TRIM44: variants seen among roughly 807,000 people sequenced by gnomAD.
The protein encoded by TRIM44 is tripartite motif containing 44.
Under a neutral mutation model 37.4 loss-of-function variants are expected in TRIM44, and 13 were observed. The observed-to-expected ratio is 0.35, with a 90% CI of 0.23 to 0.55. The LOEUF (loss-of-function observed/expected upper bound fraction) is 0.55, where lower values mean the gene tolerates loss of function less well. Among genes scored for constraint, TRIM44 ranks in the 20% least tolerant of loss-of-function variants. The pLI is 0.89. For synonymous variants in TRIM44, 175 were observed against 157.2 expected, an observed-to-expected ratio of 1.11 and a Z score of -0.85; for missense variants, 426 against 437.2, an observed-to-expected ratio of 0.97 and a Z score of 0.23.
Position 35,663,075 on chromosome 11 carries a change from C to A in TRIM44, c.-37C>A. On this transcript the variant is annotated 5_prime_UTR_variant, in exon 1 of 5. Transcript: ENST00000299413. ...CGCGCGGAAGGAAGGCGGCGAGCCC[C>A]GGGGCCCCGAGGCCTTGGCCGCGTC... is the stretch of plus-strand genomic sequence containing the variant. The A allele has an allele frequency of 3.4e-6, 5 of 1,483,938 alleles. No individual in the cohort carries two copies. Among genetic ancestry groups the A allele is most frequent in the Non-Finnish European group, 3.6e-6 (4 of 1,125,212 alleles). The allele number at this position is 1,483,938 out of a possible 1,614,324, so 91.9% of individuals were successfully genotyped here.
intron 4 of TRIM44, among the ~76,000 whole-genome samples, chr11:35,742,225 G>C (rs998181887): frequency 4.6e-5 from 7 of 151,790 alleles, no homozygotes; most frequent in Admixed American, 4.0e-4. Flanking sequence ...ATACAGGCAT[G>C]AGCCACCACA....
chr11:35,809,494 A>G lies in TRIM44; in HGVS notation c.*3109A>G, dbSNP rs553611928. On this transcript the variant is annotated 3_prime_UTR_variant, in exon 5 of 5. Coordinates refer to ENST00000299413, the MANE Select transcript of TRIM44 (RefSeq NM_017583.6). ...GGTAGCCTTATTTCTCCCCTTTAGCAGATGCTTTAAGTACACATTGCTGAC... is the reference window on the plus strand; with the variant it reads ...GGTAGCCTTATTTCTCCCCTTTAGCGGATGCTTTAAGTACACATTGCTGAC... The G allele has an allele frequency of 1.3e-5, 2 of 152,290 alleles. No homozygotes were observed. Among genetic ancestry groups the G allele is most frequent in the African/African-American group, 2.4e-5 (1 of 41,572 alleles). The allele number at this position is 152,290 out of a possible 1,614,324, so 9.4% of individuals were successfully genotyped here.
intron 1 of TRIM44, among the ~76,000 whole-genome samples, chr11:35,666,066 T>A (rs1417206873): frequency 6.6e-6 from 1 of 152,216 alleles, no homozygotes; most frequent in East Asian, 1.9e-4. Context: ...CTACTTAGTA[T>A]TGATTTTTGT....
intron 4 of TRIM44, among the ~76,000 whole-genome samples, chr11:35,755,989 C>G (rs1852632837): frequency 6.6e-6 from 1 of 151,926 alleles, no homozygotes; most frequent in African/African-American, 2.4e-5. Flanking sequence ...GCAATGTGGG[C>G]TCTTTTTTGG....
intron 4 of TRIM44, among the ~76,000 whole-genome samples, chr11:35,772,794 A>G (rs1021620874): frequency 6.6e-6 from 1 of 152,200 alleles, no homozygotes; most frequent in African/African-American, 2.4e-5. Flanking sequence ...CTTGTCTCAG[A>G]TAAGACTTTG....
chr11:35,801,216 C>G (rs1853364361), intron 4 of TRIM44, among the ~76,000 whole-genome samples: 1 of 152,226 alleles, frequency 6.6e-6, no homozygotes. Flanking sequence ...TGTGAGACTT[C>G]CCAATTGGCT....
At chr11:35,703,049 C>G (rs1384663505) in intron 2 of TRIM44, among the ~76,000 whole-genome samples, 1 of 152,226 alleles carries the variant, frequency 6.6e-6, no homozygotes, top group Non-Finnish European at 1.5e-5. Flanking sequence ...GGGTCACTCC[C>G]ACCCTAATAC....
chr11:35,775,681 T>G (rs977593812), intron 4 of TRIM44, among the ~76,000 whole-genome samples: 10 of 152,234 alleles, frequency 6.6e-5, no homozygotes, highest in African/African-American at 1.7e-4. Flanking sequence ...TAGCATAAAG[T>G]GCTGTTGAAT....
chr11:35,700,275 A>C (rs1295393719), intron 2 of TRIM44, among the ~76,000 whole-genome samples: 1 of 152,168 alleles, frequency 6.6e-6, no homozygotes, highest in Non-Finnish European at 1.5e-5. Context: ...ATACTGCTTT[A>C]AATTTAGTCA....
chr11:35,722,298 A>G (rs1026162248), intron 2 of TRIM44, among the ~76,000 whole-genome samples: 2 of 152,252 alleles, frequency 1.3e-5, no homozygotes, highest in African/African-American at 4.8e-5. Context: ...AACACCTTGC[A>G]GGAAATTTGG....
intron 1 of TRIM44, among the ~76,000 whole-genome samples, chr11:35,683,950 A>T (rs1359713531): frequency 2.0e-5 from 3 of 152,170 alleles, no homozygotes; most frequent in Admixed American, 6.5e-5. Flanking sequence ...TTTATTTACC[A>T]TGTGCCAGGC....
intron 1 of TRIM44, among the ~76,000 whole-genome samples, chr11:35,664,077 C>G (rs1462242578): frequency 6.6e-6 from 1 of 152,136 alleles, no homozygotes; most frequent in Non-Finnish European, 1.5e-5. Context: ...TTTGACCCCA[C>G]TTAGGCCAAT....
chr11:35,753,658 G>A (rs1852586564), intron 4 of TRIM44, among the ~76,000 whole-genome samples: 1 of 152,070 alleles, frequency 6.6e-6, no homozygotes, highest in African/African-American at 2.4e-5. Context: ...AAGTAAACGA[G>A]TAACACTGTT....
Position 35,703,552 on chromosome 11 carries a change from C to T in TRIM44, c.747+18216C>T, listed in dbSNP as rs529491661. Among the ~76,000 whole-genome samples the T allele has an allele frequency of 1.9e-3, 285 of 152,068 alleles. 2 individuals carry two copies. The highest frequency in any genetic ancestry group is 6.6e-3 in the African/African-American group (274 of 41,460). On this transcript the variant is annotated intron_variant, in intron 2 of 4. Transcript: ENST00000299413. ...GACACCTCACACGGCCGGGTACTCC[C>T]CTGAGACAAAACTTCCAGAGGAACG... is the stretch of plus-strand genomic sequence containing the variant.
In TRIM44 at chr11:35,806,444, T is replaced by TA. The variant is rs1353412925; in HGVS notation, c.*60dup. On this transcript the variant is annotated 3_prime_UTR_variant, in exon 5 of 5. Transcript: ENST00000299413. ...CCCCTTGTGTGTATGTGACAGCGTG[T>TA]ATGTAACGGCTTCTGATTTCTGTGA... 2 of 1,575,554 alleles carry TA rather than the reference T, an allele frequency of 1.3e-6. No individual in the cohort carries two copies. Among genetic ancestry groups the TA allele is most frequent in the Admixed American group, 3.4e-5 (2 of 59,576 alleles).
intron 4 of TRIM44, among the ~76,000 whole-genome samples, chr11:35,759,280 A>T (rs1188787422): frequency 6.6e-6 from 1 of 152,148 alleles, no homozygotes; most frequent in Admixed American, 6.5e-5. Flanking sequence ...CCTTTCTACC[A>T]GTTGATCAAA....
intron 4 of TRIM44, among the ~76,000 whole-genome samples, chr11:35,766,843 G>A (rs1376877735): frequency 1.3e-5 from 2 of 152,190 alleles, no homozygotes; most frequent in Admixed American, 1.3e-4. Context: ...CTTACAAGGG[G>A]CACATGATAA....
intron 4 of TRIM44, among the ~76,000 whole-genome samples, chr11:35,747,841 A>G (rs552815689): frequency 2.0e-5 from 3 of 151,226 alleles, no homozygotes; most frequent in Non-Finnish European, 4.4e-5. Flanking sequence ...AGGAGAGGCA[A>G]GCAGTTTAAT....
intron 4 of TRIM44, among the ~76,000 whole-genome samples, chr11:35,777,380 GCACAC>G (rs1382612476): frequency 2.6e-5 from 4 of 152,164 alleles, no homozygotes; most frequent in Non-Finnish European, 4.4e-5. Flanking sequence ...CCTGAATACA[GCACAC>G]TGATGGGTCT....
Sources: gnomAD v4.1 joint callset for allele counts (sites outside exome capture counted in the v4.1 genomes callset) on GRCh38, gnomAD v4.1.1 for gene constraint, MANE v1.5 for transcripts, NCBI Gene and HGNC (gene_info 2026-07-23, HGNC 2026-07-21) for gene names.